Variants in BCAS4 observed in about 807,000 individuals in gnomAD.
BCAS4 encodes breast carcinoma-amplified sequence 4.
BCAS4 carries 9 observed loss-of-function variants against 15.7 expected under a neutral mutation model. The ratio of observed to expected loss-of-function variants is 0.57; its 90% CI spans 0.34 to 1.00. The LOEUF is 1.00. Among genes scored for constraint, BCAS4 ranks in the 50% least tolerant of loss-of-function variants. BCAS4 has a pLI of 0.02. For synonymous variants in BCAS4, 101 were observed against 99.5 expected (o/e 1.02, Z -0.09); for missense variants, 225 against 239.1 (o/e 0.94, Z 0.39).
chr20:50,859,784 G>A (rs1455256978), intron 4 of BCAS4, among the ~76,000 whole-genome samples: 1 of 152,180 alleles, frequency 6.6e-6, no homozygotes, highest in African/African-American at 2.4e-5. Context: ...CTCTGGATGT[G>A]TGTGCGTGTT....
chr20:50,830,512 G>A, intron 3 of BCAS4, 132 bp downstream of exon 3: 1 of 682,760 alleles, frequency 1.5e-6, no homozygotes. Flanking sequence ...GTGGGAGTTG[G>A]GGAGTCTGCA....
At chr20:50,809,446 C>T (rs768571558) in intron 1 of BCAS4, among the ~76,000 whole-genome samples, 3 of 152,012 alleles carry the variant, frequency 2.0e-5, no homozygotes, top group South Asian at 2.1e-4. Flanking sequence ...TGATCTCAAG[C>T]GATCCACCCG....
chr20:50,875,401 G>A lies in BCAS4; in HGVS notation c.400-1085G>A, dbSNP rs533296229. 2.6e-5 allele frequency among the ~76,000 whole-genome samples: 4 copies of A among 152,252 alleles called. No individual in the cohort carries two copies. In the South Asian group the frequency reaches 8.3e-4, roughly 32 times the overall value. On this transcript the variant is annotated intron_variant, in intron 4 of 4. Coordinates refer to ENST00000371608, the MANE Select transcript of BCAS4 (RefSeq NM_198799.4). ...AGGAAGCACTTCTTAAAATGGTTTT[G>A]TTTTTTGAAAGAGTAGCACATGCCT...
intron 4 of BCAS4, among the ~76,000 whole-genome samples, chr20:50,854,781 G>A (rs1978663555): frequency 1.3e-5 from 2 of 152,204 alleles, no homozygotes; most frequent in Admixed American, 6.5e-5. Flanking sequence ...ATGCGGCACC[G>A]TAGGTGTGTC....
downstream of BCAS4, chr20:50,880,965 G>A (rs1376178275): frequency 2.0e-5 from 3 of 152,176 alleles, no homozygotes; most frequent in Non-Finnish European, 4.4e-5. Flanking sequence ...CGGGTGCAGT[G>A]GCTCACACCT....
At chr20:50,862,549 A>G (rs1350470258) in intron 4 of BCAS4, among the ~76,000 whole-genome samples, 5 of 146,160 alleles carry the variant, frequency 3.4e-5, no homozygotes, top group Non-Finnish European at 4.5e-5. Flanking sequence ...GCTGAGATGC[A>G]CGGGCACAGC....
At chr20:50,816,984 T>C (rs1424199705) in intron 1 of BCAS4, among the ~76,000 whole-genome samples, 2 of 151,802 alleles carry the variant, frequency 1.3e-5, no homozygotes, top group Non-Finnish European at 2.9e-5. Flanking sequence ...TTTGTATTTT[T>C]AGTAGAGATG....
intron 4 of BCAS4, among the ~76,000 whole-genome samples, chr20:50,869,050 T>C (rs534657080): frequency 6.6e-6 from 1 of 152,368 alleles, no homozygotes; most frequent in Admixed American, 6.5e-5. Context: ...CTCACTGCCA[T>C]GCTCCAGGCA....
chr20:50,797,447 C>T (rs1253287262), intron 1 of BCAS4, among the ~76,000 whole-genome samples: 4 of 151,960 alleles, frequency 2.6e-5, no homozygotes, highest in Non-Finnish European at 5.9e-5. Flanking sequence ...GTAATTCCAG[C>T]GACTTAGGAA....
intron 1 of BCAS4, among the ~76,000 whole-genome samples, chr20:50,804,810 T>G (rs77233939): frequency 6.6e-6 from 1 of 152,336 alleles, no homozygotes; most frequent in African/African-American, 2.4e-5. Flanking sequence ...AACTCTGTGT[T>G]GCTTTGGGGA....
At chr20:50,847,562 C>G (rs2088561532) in intron 4 of BCAS4, among the ~76,000 whole-genome samples, 1 of 152,198 alleles carries the variant, frequency 6.6e-6, no homozygotes. Context: ...ATTTCTATCT[C>G]CATCTTACAG....
intron 4 of BCAS4, among the ~76,000 whole-genome samples, chr20:50,844,748 T>TC (rs11288836): frequency 1.1e-4 from 17 of 151,486 alleles, no homozygotes; most frequent in South Asian, 8.4e-4. Flanking sequence ...GGATGTGGCA[T>TC]CCCCCCCCGG....
At chr20:50,828,704 G>A (rs898591815) in intron 2 of BCAS4, among the ~76,000 whole-genome samples, 3 of 152,152 alleles carry the variant, frequency 2.0e-5, no homozygotes. Context: ...GCCTGGACCT[G>A]GGAGGCGGAG....
chr20:50,850,732 C>A (rs1978363100), intron 4 of BCAS4, among the ~76,000 whole-genome samples: 3 of 152,212 alleles, frequency 2.0e-5, no homozygotes, highest in Non-Finnish European at 4.4e-5. Flanking sequence ...CCCTGCCCAG[C>A]CAGCATCTGG....
intron 2 of BCAS4, among the ~76,000 whole-genome samples, 173 bp downstream of exon 2, chr20:50,818,455 GCT>G (rs1330149039): frequency 4.0e-5 from 6 of 148,944 alleles, no homozygotes; most frequent in Non-Finnish European, 7.4e-5. Context: ...TCTCTCTCTC[GCT>G]CTCTCTCTCT....
intron 3 of BCAS4, chr20:50,840,755 CGGA>C: frequency 6.2e-7 from 1 of 1,606,450 alleles, no homozygotes; most frequent in Non-Finnish European, 8.5e-7. Context: ...GACATGGTTA[CGGA>C]GGAGAAGCGG....
At chr20:50,855,029 A>G (rs1412999714) in intron 4 of BCAS4, among the ~76,000 whole-genome samples, 1 of 152,134 alleles carries the variant, frequency 6.6e-6, no homozygotes, top group Non-Finnish European at 1.5e-5. Context: ...GTCTCAAGCC[A>G]TGCTGGGTCA....
intron 4 of BCAS4, among the ~76,000 whole-genome samples, chr20:50,859,590 C>T (rs1978961630): frequency 7.1e-6 from 1 of 141,420 alleles, no homozygotes; most frequent in Admixed American, 7.0e-5. Context: ...GAGGCTCAGC[C>T]TGGAGGCTCT....
chr20:50,849,004 G>T (rs2088579221), intron 4 of BCAS4, among the ~76,000 whole-genome samples: 1 of 152,246 alleles, frequency 6.6e-6, no homozygotes. Context: ...GTGAAAGTGT[G>T]AAATGGGGCT....
Sources: gnomAD v4.1 joint callset for allele counts (sites outside exome capture counted in the v4.1 genomes callset) on GRCh38, gnomAD v4.1.1 for gene constraint, MANE v1.5 for transcripts, NCBI Gene and HGNC (gene_info 2026-07-23, HGNC 2026-07-21) for gene names.